NUP42: variants seen among roughly 807,000 people sequenced by gnomAD.
NUP42 encodes the protein nucleoporin NUP42.
In NUP42, 47 loss-of-function variants were observed where a neutral mutation model predicts 35.9. That is an observed-to-expected ratio of 1.31 (90% CI 1.04 to 1.67). The LOEUF is 1.67. Among genes scored for constraint, NUP42 ranks in the 40% most tolerant of loss-of-function variants. The pLI, the probability that NUP42 is intolerant of heterozygous loss-of-function variation, is 0.00. For synonymous variants in NUP42, 173 were observed against 173.3 expected (o/e 1.00, Z 0.01); for missense variants, 514 against 492.2 (o/e 1.04, Z -0.42).
intron 5 of NUP42, 53 bp downstream of exon 5, chr7:23,196,819 C>G: frequency 8.0e-7 from 1 of 1,255,542 alleles, no homozygotes; most frequent in Non-Finnish European, 1.2e-6. Context: ...TGCTTTTTTG[C>G]AGAGGATATT....
chr7:23,197,512 A>G (rs1376819473), intron 5 of NUP42, among the ~76,000 whole-genome samples: 1 of 152,136 alleles, frequency 6.6e-6, no homozygotes, highest in African/African-American at 2.4e-5. Flanking sequence ...TTGTAATGCT[A>G]TTTGAATTTA....
chr7:23,199,515 A>C lies in NUP42; in HGVS notation c.667A>C (p.Ser223Arg). Residue 223 changes from serine (S) to arginine (R), a missense_variant, in exon 6 of 7, where the codon AGT (serine) becomes CGT (arginine). Transcript: ENST00000258742. ...QAAPAFGFGS[S>R]QAATFMSPGF... ...AGCACCTGCATTTGGATTTGGCAGCAGTCAAGCAGCAACATTTATGTCGCC... is the reference window on the plus strand; with the variant it reads ...AGCACCTGCATTTGGATTTGGCAGCCGTCAAGCAGCAACATTTATGTCGCC... 6.2e-7 allele frequency: 1 copy of C among 1,614,122 alleles called. No homozygotes were observed. The highest frequency in any genetic ancestry group is 8.5e-7 in the Non-Finnish European group (1 of 1,179,988).
chr7:23,182,371 TCTACA>T, intron 1 of NUP42, 165 bp downstream of exon 1: 2 of 1,430,062 alleles, frequency 1.4e-6, no homozygotes, highest in Non-Finnish European at 1.8e-6. Context: ...GAGGGTTTTA[TCTACA>T]TATTATTCAT....
rs568938910 is a variant in NUP42 at position 23,200,984 on chromosome 7, A to G, written c.*239A>G. On this transcript the variant is annotated 3_prime_UTR_variant, in exon 7 of 7. Transcript: ENST00000258742. Reference sequence around the variant, plus strand: ...GAATGGAACTGAAAAATTATGCACGAATAAAGTACTTTTCTCATGCCATAC... The same window carrying G: ...GAATGGAACTGAAAAATTATGCACGGATAAAGTACTTTTCTCATGCCATAC... 4.6e-5 allele frequency: 12 copies of G among 260,944 alleles called. No homozygotes were observed. Among genetic ancestry groups the G allele is most frequent in the African/African-American group, 2.4e-4 (11 of 45,432 alleles). 16.2% of individuals were successfully genotyped at this position (260,944 alleles called of 1,614,324 possible).
chr7:23,185,001 A>G (rs1398512277), intron 1 of NUP42, 69 bp from the exon 2 acceptor site: 2 of 1,301,804 alleles, frequency 1.5e-6, no homozygotes, highest in Non-Finnish European at 2.1e-6. Flanking sequence ...GTGAGACCCT[A>G]TCTCAATTAA....
chr7:23,185,282 G>A lies in NUP42; in HGVS notation c.334G>A (p.Asp112Asn), dbSNP rs1279409857. Residue 112 changes from aspartate (D) to asparagine (N), a missense_variant, in exon 2 of 7, where the codon GAT (aspartate) becomes AAT (asparagine). Coordinates refer to ENST00000258742, the MANE Select transcript of NUP42 (RefSeq NM_007342.3). ...FASLSPDEQKDEKKLLEGIVK... is the reference protein window; with the variant it reads ...FASLSPDEQKNEKKLLEGIVK... ...TTCACTTAGTCCTGATGAGCAGAAA[G>A]ATGAAAAGAAACTTCTGTAAGTGAA... 6.2e-7 allele frequency: 1 copy of A among 1,607,422 alleles called. No homozygotes were observed. Among genetic ancestry groups the A allele is most frequent in the East Asian group, 2.2e-5 (1 of 44,808 alleles).
At chr7:23,195,778 A>G (rs368554537) in intron 3 of NUP42, 61 bp from the exon 4 acceptor site, 18 of 1,090,996 alleles carry the variant, frequency 1.6e-5, no homozygotes, top group South Asian at 1.6e-4. Flanking sequence ...TAGCACCTCT[A>G]GCTTTACTAT....
intron 3 of NUP42, among the ~76,000 whole-genome samples, chr7:23,191,303 G>T (rs950571611): frequency 2.0e-5 from 3 of 152,174 alleles, no homozygotes; most frequent in African/African-American, 7.2e-5. Flanking sequence ...GCTGTGTGAG[G>T]GGGGAGAAAG....
Position 23,200,677 on chromosome 7 carries a change from C to A in NUP42, c.1204C>A (p.Gln402Lys), listed in dbSNP as rs1485341285. ...KLTVEELEQF[Q>K]SKKFTLGKIP... The stretch of plus-strand genomic sequence containing the variant: ...AACAGTAGAAGAACTGGAACAATTT[C>A]AATCCAAGAAATTTACTCTGGGAAA... The change falls in exon 7 of 7, where the codon CAA (glutamine) becomes AAA (lysine). Residue 402 changes from glutamine (Q) to lysine (K), a missense_variant. Physicochemically the swap from Gln to Lys is moderately conservative, Grantham distance 53 (BLOSUM62 1). Transcript: ENST00000258742. 6.2e-7 allele frequency: 1 copy of A among 1,611,554 alleles called. No individual in the cohort carries two copies. The highest frequency in any genetic ancestry group is 1.1e-5 in the South Asian group (1 of 90,294).
At chr7:23,199,644 A>G in intron 6 of NUP42, 102 bp downstream of exon 6, 2 of 977,402 alleles carry the variant, frequency 2.0e-6, no homozygotes, top group Non-Finnish European at 3.2e-6. Flanking sequence ...ACCTTCGTAA[A>G]TTCTACAACC....
At chr7:23,191,506 G>C (rs1263044303) in intron 3 of NUP42, among the ~76,000 whole-genome samples, 1 of 152,076 alleles carries the variant, frequency 6.6e-6, no homozygotes, top group Non-Finnish European at 1.5e-5. Flanking sequence ...GGGTTTTTTG[G>C]CCTGAGAGGT....
intron 1 of NUP42, chr7:23,182,474 C>T: frequency 7.9e-7 from 1 of 1,271,690 alleles, no homozygotes; most frequent in South Asian, 2.2e-5. Context: ...AAGTACCTAT[C>T]GAAACTACCT....
chr7:23,199,390 G>T, intron 5 of NUP42, 68 bp from the exon 6 acceptor site: 2 of 1,279,102 alleles, frequency 1.6e-6, no homozygotes, highest in Non-Finnish European at 2.3e-6. Context: ...TGTCCATAAA[G>T]TGTATAGAAA....
At chr7:23,193,220 ACAG>A (rs1259658972) in intron 3 of NUP42, among the ~76,000 whole-genome samples, 1 of 152,180 alleles carries the variant, frequency 6.6e-6, no homozygotes, top group Non-Finnish European at 1.5e-5. Context: ...TTTATTGCAA[ACAG>A]CAAAAGAACG....
At chr7:23,186,995 A>G (rs1785615691) in intron 2 of NUP42, 57 bp from the exon 3 acceptor site, 1 of 1,188,932 alleles carries the variant, frequency 8.4e-7, no homozygotes, top group Non-Finnish European at 1.2e-6. Context: ...TTAACAATAA[A>G]TTTTACCAAG....
intron 3 of NUP42, among the ~76,000 whole-genome samples, chr7:23,191,687 A>G (rs1785798716): frequency 6.6e-6 from 1 of 152,218 alleles, no homozygotes; most frequent in Non-Finnish European, 1.5e-5. Flanking sequence ...GCCCAATTAT[A>G]AAAGTTACAG....
At chr7:23,199,062 T>G (rs1452561930) in intron 5 of NUP42, among the ~76,000 whole-genome samples, 1 of 152,228 alleles carries the variant, frequency 6.6e-6, no homozygotes, top group African/African-American at 2.4e-5. Context: ...CAACATCATA[T>G]TATGGGCATT....
At chr7:23,183,956 A>C (rs752200640) in intron 1 of NUP42, among the ~76,000 whole-genome samples, 4 of 145,484 alleles carry the variant, frequency 2.7e-5, no homozygotes, top group Non-Finnish European at 6.0e-5. Context: ...CATGTGTGTC[A>C]TTCTAACTTT....
At chr7:23,187,941 T>TGTGGGG in intron 3 of NUP42, 1 of 444,290 alleles carries the variant, frequency 2.3e-6, no homozygotes, top group Non-Finnish European at 3.9e-6. Context: ...TCTCTGTCTC[T>TGTGGGG]CTCTCTCTCT....
Sources: gnomAD v4.1 joint callset for allele counts (sites outside exome capture counted in the v4.1 genomes callset) on GRCh38, gnomAD v4.1.1 for gene constraint, MANE v1.5 for transcripts, NCBI Gene and HGNC (gene_info 2026-07-23, HGNC 2026-07-21) for gene names.